Variants in PCDH7 observed in about 807,000 individuals in gnomAD.
PCDH7 encodes the protein protocadherin 7.
In PCDH7, 17 loss-of-function variants were observed where a neutral mutation model predicts 58.9. The ratio of observed to expected loss-of-function variants is 0.29; its 90% CI spans 0.20 to 0.43. The LOEUF (loss-of-function observed/expected upper bound fraction) is 0.43, where lower values mean the gene tolerates loss of function less well. Among genes scored for constraint, PCDH7 ranks in the 20% least tolerant of loss-of-function variants. The pLI, the probability that PCDH7 is intolerant of heterozygous loss-of-function variation, is 1.00. For missense variants in PCDH7, 1,274 were observed against 1,441.0 expected (o/e 0.88, Z 1.88); for synonymous variants, 664 against 616.4 (o/e 1.08, Z -1.14).
chr4:30,842,164 A>C (rs1258842289), intron 1 of PCDH7, among the ~76,000 whole-genome samples: 1 of 152,114 alleles, frequency 6.6e-6, no homozygotes, highest in Non-Finnish European at 1.5e-5. Context: ...CTACAATATG[A>C]TAGGCAGAGG....
chr4:31,144,969 A>G (rs1720581789), downstream of PCDH7: 2 of 152,144 alleles, frequency 1.3e-5, no homozygotes, highest in African/African-American at 4.8e-5. Flanking sequence ...AAATACTTCT[A>G]AAGATACTTA....
At chr4:30,726,754 T>A (rs1198461576) in intron 1 of PCDH7, among the ~76,000 whole-genome samples, 2 of 151,914 alleles carry the variant, frequency 1.3e-5, no homozygotes, top group Non-Finnish European at 2.9e-5. Flanking sequence ...ATAGCTGACC[T>A]AAAATGAAAT....
intron 1 of PCDH7, among the ~76,000 whole-genome samples, chr4:30,894,490 AATATATATATAT>A (rs1553909430): frequency 3.0e-5 from 1 of 33,518 alleles, no homozygotes; most frequent in Non-Finnish European, 5.8e-5. Flanking sequence ...AAAAAAAAAA[AATATATATATAT>A]ATATATATAT....
chr4:30,874,681 A>G (rs965606042), intron 1 of PCDH7, among the ~76,000 whole-genome samples: 2 of 151,472 alleles, frequency 1.3e-5, no homozygotes, highest in Non-Finnish European at 2.9e-5. Flanking sequence ...CCTAAAACTT[A>G]AAGTATAATA....
chr4:30,929,907 T>C (rs552362544), intron 2 of PCDH7, among the ~76,000 whole-genome samples: 6 of 152,298 alleles, frequency 3.9e-5, no homozygotes, highest in Non-Finnish European at 5.9e-5. Flanking sequence ...CTAGCAGCTA[T>C]AGCTGAAATT....
chr4:30,989,160 G>C (rs1208554194), intron 3 of PCDH7, among the ~76,000 whole-genome samples: 1 of 151,366 alleles, frequency 6.6e-6, no homozygotes, highest in Non-Finnish European at 1.5e-5. Context: ...TTTTTTTCCA[G>C]AAACTTGTTT....
At position 31,097,236 on chromosome 4, in the gene PCDH7, C is replaced by T. The variant is rs538326835; in HGVS notation, c.*8-45237C>T. Among the ~76,000 whole-genome samples, 7 of 152,028 alleles carry T rather than the reference C, an allele frequency of 4.6e-5. No individual in the cohort carries two copies. The South Asian group carries it at 1.2e-3, about 27-fold the overall frequency. On this transcript the variant is annotated intron_variant, in intron 3 of 3. Transcript: ENST00000509759. ...CTTTGGGAGGCCGAGGTGGGTGAAT[C>T]ACCTGAGGTCAGGAGTTCGAGACCA...
intron 3 of PCDH7, among the ~76,000 whole-genome samples, chr4:30,976,523 C>T (rs547502210): frequency 3.9e-4 from 59 of 151,334 alleles, no homozygotes; most frequent in Admixed American, 3.9e-3. Flanking sequence ...GCCTCAGCCT[C>T]CCAAGTAACT....
At chr4:30,929,354 T>C (rs1744271194) in intron 2 of PCDH7, among the ~76,000 whole-genome samples, 1 of 152,216 alleles carries the variant, frequency 6.6e-6, no homozygotes, top group Non-Finnish European at 1.5e-5. Context: ...AATAGGTTGC[T>C]TTGTTTTTAA....
At chr4:30,995,343 T>C (rs1327980403) in intron 3 of PCDH7, among the ~76,000 whole-genome samples, 2 of 152,086 alleles carry the variant, frequency 1.3e-5, no homozygotes, top group South Asian at 4.2e-4. Context: ...AAACCCTGTC[T>C]CTACTAAAAA....
chr4:31,050,753 G>C (rs1756669473), intron 3 of PCDH7, among the ~76,000 whole-genome samples: 1 of 152,044 alleles, frequency 6.6e-6, no homozygotes, highest in Non-Finnish European at 1.5e-5. Context: ...ACAAAAATTG[G>C]TGTAATTAAG....
At chr4:30,919,401 A>G (rs1381277767) in intron 1 of PCDH7, among the ~76,000 whole-genome samples, 2 of 152,164 alleles carry the variant, frequency 1.3e-5, no homozygotes, top group African/African-American at 4.8e-5. Flanking sequence ...GTGGAGTTCA[A>G]CTGGATAGTT....
At chr4:30,763,368 C>A (rs561441011) in intron 1 of PCDH7, among the ~76,000 whole-genome samples, 19 of 152,314 alleles carry the variant, frequency 1.2e-4, no homozygotes, top group Non-Finnish European at 2.6e-4. Context: ...ACTACAGTTA[C>A]AATTTTTCAT....
At chr4:30,829,370 G>A (rs983959094) in intron 1 of PCDH7, among the ~76,000 whole-genome samples, 1 of 151,958 alleles carries the variant, frequency 6.6e-6, no homozygotes, top group South Asian at 2.1e-4. Context: ...TATCAAACAG[G>A]TAGAATTCAG....
At chr4:30,934,949 T>C (rs1269984465) in intron 2 of PCDH7, among the ~76,000 whole-genome samples, 2 of 152,118 alleles carry the variant, frequency 1.3e-5, no homozygotes, top group African/African-American at 4.8e-5. Flanking sequence ...ATAATTATGA[T>C]AATAACTGCC....
intron 1 of PCDH7, among the ~76,000 whole-genome samples, chr4:30,726,156 T>TTGGTG (rs1173726529): frequency 6.6e-6 from 1 of 152,068 alleles, no homozygotes; most frequent in Non-Finnish European, 1.5e-5. Context: ...GGTGCTTTTA[T>TTGGTG]TGGTGTTGTA....
intron 1 of PCDH7, among the ~76,000 whole-genome samples, chr4:30,884,049 T>C (rs188845059): frequency 6.6e-6 from 1 of 152,338 alleles, no homozygotes; most frequent in East Asian, 1.9e-4. Context: ...TGCCCTATTT[T>C]CTATTTATTT....
At chr4:30,986,321 A>T (rs886370003) in intron 3 of PCDH7, among the ~76,000 whole-genome samples, 5 of 151,956 alleles carry the variant, frequency 3.3e-5, no homozygotes, top group African/African-American at 7.3e-5. Flanking sequence ...TTAGTCTTTT[A>T]AAAAAAATTA....
At chr4:31,130,923 G>GGAAT (rs1358274578) in intron 3 of PCDH7, among the ~76,000 whole-genome samples, 1 of 152,028 alleles carries the variant, frequency 6.6e-6, no homozygotes, top group Non-Finnish European at 1.5e-5. Context: ...ATGGCAAAGG[G>GGAAT]GAATGAAGGT....
Sources: gnomAD v4.1 joint callset for allele counts (sites outside exome capture counted in the v4.1 genomes callset) on GRCh38, gnomAD v4.1.1 for gene constraint, MANE v1.5 for transcripts, NCBI Gene and HGNC (gene_info 2026-07-23, HGNC 2026-07-21) for gene names.